FRMD4A: variants seen among roughly 807,000 people sequenced by gnomAD.
FRMD4A encodes the protein FERM domain containing 4A.
A neutral mutation model predicts 129.1 loss-of-function variants in FRMD4A; 29 were observed. The ratio of observed to expected loss-of-function variants is 0.22; its 90% CI spans 0.17 to 0.31. The LOEUF is 0.31. Ranked by LOEUF, FRMD4A falls within the 10% of genes least tolerant of loss-of-function variation. The pLI is 1.00. For synonymous variants in FRMD4A, 634 were observed against 571.6 expected (o/e 1.11, Z -1.56); for missense variants, 1,272 against 1,375.8 (o/e 0.92, Z 1.19).
intron 2 of FRMD4A, among the ~76,000 whole-genome samples, chr10:13,995,615 G>A (rs1459320416): frequency 1.3e-5 from 2 of 152,106 alleles, no homozygotes; most frequent in Non-Finnish European, 2.9e-5. Flanking sequence ...GCAGATGGAC[G>A]CTATGGCTGA....
chr10:13,906,238 C>T (rs1243179915), intron 2 of FRMD4A, among the ~76,000 whole-genome samples: 1 of 152,186 alleles, frequency 6.6e-6, no homozygotes, highest in Non-Finnish European at 1.5e-5. Context: ...CCTGAATCTT[C>T]CAGAAGGGCC....
rs374074686 is a variant in FRMD4A, at chr10:13,656,710, C to G, written c.2879G>C (p.Ser960Thr). ...CACGAAGGTGCTCTGGGAGGAGGTG[C>G]TGTACTGCGAGCCGCTGTCCGAGGA... ...STSSDSGSQYSTSSQSTFVAH... is the reference protein window; with the variant it reads ...STSSDSGSQYTTSSQSTFVAH... The change falls in exon 22 of 25, where the codon AGC (serine) becomes ACC (threonine). Residue 960 changes from serine (S) to threonine (T), a missense_variant. Transcript: ENST00000357447. 6.3e-7 allele frequency: 1 copy of G among 1,584,812 alleles called. No homozygotes were observed. Among genetic ancestry groups the G allele is most frequent in the Non-Finnish European group, 8.6e-7 (1 of 1,166,846 alleles).
At chr10:14,245,489 G>A (rs950519016) in intron 2 of FRMD4A, among the ~76,000 whole-genome samples, 1 of 152,170 alleles carries the variant, frequency 6.6e-6, no homozygotes, top group Non-Finnish European at 1.5e-5. Flanking sequence ...AGCTGCTCAA[G>A]TCCTGTTGTG....
chr10:14,236,742 G>A (rs1364632714), intron 2 of FRMD4A, among the ~76,000 whole-genome samples: 1 of 152,112 alleles, frequency 6.6e-6, no homozygotes, highest in Non-Finnish European at 1.5e-5. Context: ...TTCAGAGGAT[G>A]GTCAGCCAAC....
At chr10:14,313,027 AT>A (rs145619243) in intron 2 of FRMD4A, among the ~76,000 whole-genome samples, 2 of 151,956 alleles carry the variant, frequency 1.3e-5, no homozygotes, top group African/African-American at 2.4e-5. Context: ...AACCCTTTGT[AT>A]TTTTTTTAAA....
intron 2 of FRMD4A, among the ~76,000 whole-genome samples, chr10:14,173,397 T>C (rs569104797): frequency 2.9e-4 from 44 of 152,274 alleles, no homozygotes; most frequent in African/African-American, 1.0e-3. Flanking sequence ...CAGTTCCCCG[T>C]GAGCATTTCT....
rs1251640691 is a variant in FRMD4A at position 13,793,654 on chromosome 10, G to A, written c.299+2842C>T. Among the ~76,000 whole-genome samples, 4 of 152,140 alleles carry A rather than the reference G, an allele frequency of 2.6e-5. No individual in the cohort carries two copies. In the East Asian group the frequency reaches 7.7e-4, roughly 29 times the overall value. On this transcript the variant is annotated intron_variant, in intron 5 of 24. Transcript: ENST00000357447. ...TGGGGAGGCTGCTCAGAGCCCAACC[G>A]TGCTTCTGTTTAGAAACACACTGGA...
chr10:14,145,958 T>C (rs1256456779), intron 2 of FRMD4A, among the ~76,000 whole-genome samples: 1 of 152,208 alleles, frequency 6.6e-6, no homozygotes, highest in Non-Finnish European at 1.5e-5. Context: ...TGAAGGCAGA[T>C]TCCAGATGAA....
chr10:14,276,033 G>T (rs1845328156), intron 2 of FRMD4A, among the ~76,000 whole-genome samples: 1 of 152,134 alleles, frequency 6.6e-6, no homozygotes, highest in Non-Finnish European at 1.5e-5. Flanking sequence ...GAAAGACCTT[G>T]TCTCAAAAAA....
intron 2 of FRMD4A, among the ~76,000 whole-genome samples, chr10:14,129,268 A>AT (rs1392161988): frequency 2.0e-5 from 3 of 150,298 alleles, no homozygotes; most frequent in Admixed American, 6.6e-5. Flanking sequence ...GCACAGAGAC[A>AT]TTTTTTTTCT....
chr10:13,737,919 G>A lies in FRMD4A; in HGVS notation c.684C>T (p.Gly228=). 6.3e-7 allele frequency: 1 copy of A among 1,590,138 alleles called. No individual in the cohort carries two copies. Among genetic ancestry groups the A allele is most frequent in the Non-Finnish European group, 8.6e-7 (1 of 1,158,380 alleles). ...AGCTCAGGCCCAGCCACCATGGTATGCCCTGCTTGTCCTAGGATATCAAAA... is the reference window on the plus strand; with the variant it reads ...AGCTCAGGCCCAGCCACCATGGTATACCCTGCTTGTCCTAGGATATCAAAA... ...VHYYAVKDKQ[G]IPWWLGLSYK... is the part of the protein sequence containing the mutation. The change falls in exon 12 of 25, where the codon GGC becomes GGT. Residue 228 remains glycine, a synonymous_variant. Transcript: ENST00000357447.
chr10:14,254,238 T>C, intron 2 of FRMD4A, among the ~76,000 whole-genome samples: 1 of 152,234 alleles, frequency 6.6e-6, no homozygotes, highest in South Asian at 2.1e-4. Flanking sequence ...GGTCAATTTC[T>C]TCCAGAAACT....
chr10:13,808,970 T>TACGCACGCACAC (rs780205238), intron 4 of FRMD4A, among the ~76,000 whole-genome samples: 6 of 152,306 alleles, frequency 3.9e-5, no homozygotes, highest in Non-Finnish European at 7.3e-5. Context: ...GCCTGGCTTC[T>TACGCACGCACAC]ACGCACGCAC....
At chr10:14,236,756 T>C (rs747479183) in intron 2 of FRMD4A, among the ~76,000 whole-genome samples, 12 of 152,208 alleles carry the variant, frequency 7.9e-5, no homozygotes, top group East Asian at 3.9e-4. Flanking sequence ...AGCCAACAGA[T>C]TAACAAACAA....
intron 2 of FRMD4A, among the ~76,000 whole-genome samples, chr10:14,017,179 G>A (rs1375127083): frequency 6.6e-6 from 1 of 152,202 alleles, no homozygotes; most frequent in African/African-American, 2.4e-5. Context: ...CCCAGGGTTT[G>A]AGGAATAACG....
chr10:14,292,941 C>A (rs1214976820), intron 2 of FRMD4A, among the ~76,000 whole-genome samples: 2 of 151,886 alleles, frequency 1.3e-5, no homozygotes, highest in Non-Finnish European at 2.9e-5. Flanking sequence ...TTCTGTTCAC[C>A]AAAAGGTATT....
At chr10:14,285,810 C>A (rs1243910303) in intron 2 of FRMD4A, among the ~76,000 whole-genome samples, 1 of 152,222 alleles carries the variant, frequency 6.6e-6, no homozygotes, top group Non-Finnish European at 1.5e-5. Context: ...CGTCAGGGAT[C>A]ACTGCCAGCT....
At chr10:14,308,946 A>G (rs1017268161) in intron 2 of FRMD4A, among the ~76,000 whole-genome samples, 1 of 152,230 alleles carries the variant, frequency 6.6e-6, no homozygotes, top group Non-Finnish European at 1.5e-5. Context: ...CAGCCCATGC[A>G]TTTTTAAATG....
At chr10:13,879,070 A>G (rs1021706169) in intron 2 of FRMD4A, among the ~76,000 whole-genome samples, 1 of 152,216 alleles carries the variant, frequency 6.6e-6, no homozygotes, top group African/African-American at 2.4e-5. Flanking sequence ...ATCAAGACAT[A>G]TCCAACAGTA....
Sources: allele counts gnomAD v4.1 joint callset (sites outside exome capture counted in the v4.1 genomes callset), GRCh38; gene constraint gnomAD v4.1.1; transcripts MANE v1.5; gene names NCBI Gene and HGNC (gene_info 2026-07-23, HGNC 2026-07-21).